PPTC7: variants seen among roughly 807,000 people sequenced by gnomAD.
PPTC7 encodes protein phosphatase PTC7 homolog.
PPTC7 carries 6 observed loss-of-function variants against 30.8 expected under a neutral mutation model. That is an observed-to-expected ratio of 0.19 (90% CI 0.11 to 0.38). The LOEUF (loss-of-function observed/expected upper bound fraction) is 0.38, where lower values mean the gene tolerates loss of function less well. Among genes scored for constraint, PPTC7 ranks in the 10% least tolerant of loss-of-function variants. The probability of loss-of-function intolerance (pLI) is 1.00; values close to 1 mark genes in which losing one functional copy is unlikely to be tolerated. For synonymous variants in PPTC7, 163 were observed against 168.1 expected, an observed-to-expected ratio of 0.97 and a Z score of 0.23; for missense variants, 218 against 404.8, an observed-to-expected ratio of 0.54 and a Z score of 3.96.
rs1032597329 is a variant in PPTC7, at chr12:110,583,108, T to C, written c.-77A>G. The C allele has an allele frequency of 3.3e-3, 3,769 of 1,154,548 alleles. 13 individuals carry two copies. The highest frequency in any genetic ancestry group is 3.7e-3 in the Non-Finnish European group (3,327 of 906,120). 71.5% of individuals were successfully genotyped at this position (1,154,548 alleles called of 1,614,324 possible). A position where few individuals can be genotyped will look rare whatever the true frequency, so the allele number is the denominator to read the frequency against. On this transcript the variant is annotated 5_prime_UTR_variant, in exon 1 of 6. Coordinates refer to ENST00000354300, the MANE Select transcript of PPTC7 (RefSeq NM_139283.2). ...CGGAGGCCCGGAGCCGGCTCTCTCC[T>C]CAGCCGCAGTCGCGCCGCCGCTGGG...
intron 1 of PPTC7, among the ~76,000 whole-genome samples, chr12:110,579,847 T>G (rs964078137): frequency 1.3e-5 from 2 of 151,992 alleles, no homozygotes; most frequent in African/African-American, 4.8e-5. Context: ...ACCCCGTTTG[T>G]ACTAAAAATA....
At chr12:110,562,334 G>C (rs886379015) in intron 1 of PPTC7, among the ~76,000 whole-genome samples, 3 of 126,612 alleles carry the variant, frequency 2.4e-5, no homozygotes, top group African/African-American at 9.1e-5. Context: ...TGAATGAAAA[G>C]CAGGATGACT....
intron 1 of PPTC7, among the ~76,000 whole-genome samples, chr12:110,576,320 A>G (rs1489048837): frequency 1.3e-5 from 2 of 152,064 alleles, no homozygotes; most frequent in African/African-American, 4.8e-5. Context: ...AAAAACAGCT[A>G]TATTCCTCAC....
At chr12:110,567,660 C>T (rs911877896) in intron 1 of PPTC7, among the ~76,000 whole-genome samples, 1 of 152,210 alleles carries the variant, frequency 6.6e-6, no homozygotes, top group African/African-American at 2.4e-5. Context: ...ATTTCAGTAG[C>T]TTCGTAACTG....
intron 5 of PPTC7, among the ~76,000 whole-genome samples, chr12:110,537,414 T>C (rs1321223568): frequency 6.6e-6 from 1 of 152,198 alleles, no homozygotes; most frequent in Non-Finnish European, 1.5e-5. Context: ...CATGCTTCTA[T>C]ACCCACAATC....
intron 1 of PPTC7, among the ~76,000 whole-genome samples, chr12:110,569,032 G>GCCCC (rs5800891): frequency 1.7e-5 from 2 of 119,822 alleles, no homozygotes; most frequent in African/African-American, 3.3e-5. Context: ...CCCTGTCCCC[G>GCCCC]CCCCCCCCCC....
chr12:110,564,175 C>T (rs1406317374), intron 1 of PPTC7, among the ~76,000 whole-genome samples: 15 of 152,160 alleles, frequency 9.9e-5, no homozygotes, highest in Non-Finnish European at 1.9e-4. Context: ...CCTCAAATGC[C>T]AAATGCTGTT....
chr12:110,553,611 T>C (rs1164591792), intron 1 of PPTC7, among the ~76,000 whole-genome samples: 1 of 151,876 alleles, frequency 6.6e-6, no homozygotes, highest in Non-Finnish European at 1.5e-5. Flanking sequence ...AGTCCCTGAC[T>C]CTACTAAAAA....
chr12:110,543,461 T>C (rs1183493212), intron 3 of PPTC7, among the ~76,000 whole-genome samples: 1 of 150,610 alleles, frequency 6.6e-6, no homozygotes, highest in East Asian at 1.9e-4. Flanking sequence ...AAAAAGACTG[T>C]AAAACTGGGG....
intron 1 of PPTC7, among the ~76,000 whole-genome samples, chr12:110,555,570 G>A (rs766028245): frequency 9.2e-5 from 14 of 152,310 alleles, no homozygotes; most frequent in South Asian, 4.1e-4. Flanking sequence ...GAGCAAGAGC[G>A]GAAGGAGTTT....
At chr12:110,540,828 T>A (rs933061239) in intron 3 of PPTC7, among the ~76,000 whole-genome samples, 1 of 150,544 alleles carries the variant, frequency 6.6e-6, no homozygotes, top group Non-Finnish European at 1.5e-5. Flanking sequence ...CAGGCTGGAG[T>A]TCAGTGGCGC....
chr12:110,569,015 A>G (rs984740212), intron 1 of PPTC7, among the ~76,000 whole-genome samples: 4 of 148,528 alleles, frequency 2.7e-5, no homozygotes, highest in African/African-American at 9.9e-5. Context: ...TGGGCAACAC[A>G]GCAAGACCCT....
intron 5 of PPTC7, among the ~76,000 whole-genome samples, chr12:110,537,479 A>C (rs1458289497): frequency 1.3e-5 from 2 of 152,250 alleles, no homozygotes; most frequent in Non-Finnish European, 2.9e-5. Flanking sequence ...CTTGTATTCT[A>C]ATCTGCCAAA....
intron 3 of PPTC7, among the ~76,000 whole-genome samples, chr12:110,543,790 G>A (rs2064283545): frequency 6.6e-6 from 1 of 152,174 alleles, no homozygotes; most frequent in African/African-American, 2.4e-5. Context: ...ACTGAAACAT[G>A]AGCTGAAATC....
intron 3 of PPTC7, among the ~76,000 whole-genome samples, chr12:110,542,935 G>A (rs1475398475): frequency 1.3e-5 from 2 of 152,182 alleles, no homozygotes; most frequent in Non-Finnish European, 2.9e-5. Flanking sequence ...GCCTCCTGAG[G>A]CTGGTTCTTG....
intron 1 of PPTC7, among the ~76,000 whole-genome samples, chr12:110,581,657 G>C (rs2064638208): frequency 6.6e-6 from 1 of 152,176 alleles, no homozygotes; most frequent in African/African-American, 2.4e-5. Flanking sequence ...AACCTTTCCA[G>C]TCCCATGTTC....
At chr12:110,548,840 A>G (rs978270046) in intron 2 of PPTC7, among the ~76,000 whole-genome samples, 1 of 152,198 alleles carries the variant, frequency 6.6e-6, no homozygotes, top group African/African-American at 2.4e-5. Context: ...CCAGCCTTAC[A>G]GAACCATCTG....
intron 3 of PPTC7, among the ~76,000 whole-genome samples, chr12:110,541,031 T>C (rs1235816046): frequency 6.7e-6 from 1 of 150,372 alleles, no homozygotes; most frequent in East Asian, 2.1e-4. Flanking sequence ...CGCCTTGGCC[T>C]CTCAAAGTGC....
chr12:110,554,297 C>T (rs898952261), intron 1 of PPTC7, among the ~76,000 whole-genome samples: 1 of 152,172 alleles, frequency 6.6e-6, no homozygotes, highest in African/African-American at 2.4e-5. Context: ...CCTCAGCCTC[C>T]TGAGTAGCAA....
Sources: gnomAD v4.1 joint callset for allele counts (sites outside exome capture counted in the v4.1 genomes callset) on GRCh38, gnomAD v4.1.1 for gene constraint, MANE v1.5 for transcripts, NCBI Gene and HGNC (gene_info 2026-07-23, HGNC 2026-07-21) for gene names.